ZNF510: variants seen among roughly 807,000 people sequenced by gnomAD.
ZNF510 encodes zinc finger protein 510.
Under a neutral mutation model 18.1 loss-of-function variants are expected in ZNF510, and 15 were observed. That is an observed-to-expected ratio of 0.83 (90% confidence interval 0.55 to 1.28). The LOEUF is 1.28. ZNF510 is among the 50% of genes most tolerant of loss of function. ZNF510 has a pLI of 0.00. For synonymous variants in ZNF510, 261 were observed against 266.4 expected, an observed-to-expected ratio of 0.98 and a Z score of 0.20; for missense variants, 724 against 791.8, an observed-to-expected ratio of 0.91 and a Z score of 1.03.
In ZNF510 at chr9:96,756,388, T is replaced by C. The variant is rs1053794920; in HGVS notation, c.*2390A>G. The C allele has an allele frequency of 1.3e-5, 2 of 151,062 alleles. No homozygotes were observed. Among genetic ancestry groups the C allele is most frequent in the African/African-American group, 5.0e-5 (2 of 40,378 alleles). 9.4% of individuals were successfully genotyped at this position (151,062 alleles called of 1,614,324 possible). On this transcript the variant is annotated 3_prime_UTR_variant, in exon 6 of 6. Coordinates refer to ENST00000223428, the MANE Select transcript of ZNF510 (RefSeq NM_014930.3). Reference sequence around the variant, plus strand: ...AAAGCATCAGTGAGCCAGGCCCAATTACAGTAACCTCTATGAATTGAGGGC... The same window carrying C: ...AAAGCATCAGTGAGCCAGGCCCAATCACAGTAACCTCTATGAATTGAGGGC...
intron 5 of ZNF510, 123 bp from the exon 6 acceptor site, chr9:96,760,600 A>G: frequency 5.7e-6 from 5 of 879,948 alleles, no homozygotes; most frequent in Non-Finnish European, 8.2e-6. Flanking sequence ...ATTCAGATGT[A>G]TGTGTGTGTA....
chr9:96,777,029 C>T (rs1394838033), intron 1 of ZNF510, among the ~76,000 whole-genome samples: 1 of 152,088 alleles, frequency 6.6e-6, no homozygotes, highest in Non-Finnish European at 1.5e-5. Flanking sequence ...AAATTAATTT[C>T]ATGTTTTAGA....
At chr9:96,769,785 A>T (rs117294327) in intron 3 of ZNF510, among the ~76,000 whole-genome samples, 5,462 of 152,330 alleles carry the variant, frequency 0.036, 156 homozygotes, top group Non-Finnish European at 0.058. Context: ...TTCTCCAAAG[A>T]TGATAAACAA....
chr9:96,758,831 T>G lies in ZNF510; in HGVS notation c.1999A>C (p.Lys667Gln). The change falls in exon 6 of 6, where the codon AAG becomes CAG. Residue 667 changes from lysine (K) to glutamine (Q), a missense_variant. Lys to Gln is a moderately conservative substitution (Grantham distance 53). Transcript: ENST00000223428. ...ECNEYGKLCK[K>Q]STLSLYQKIQ... ...TTCTGGTATAAGCTTAGGGTAGACT[T>G]CTTACATAATTTCCCATATTCATTG... is the stretch of plus-strand genomic sequence containing the variant. 1 of 1,612,682 alleles carries G rather than the reference T, an allele frequency of 6.2e-7. No individual in the cohort carries two copies. The highest frequency in any genetic ancestry group is 1.7e-4 in the Middle Eastern group (1 of 6,056).
At position 96,759,397 on chromosome 9, in the gene ZNF510, T is replaced by C; in HGVS notation, c.1433A>G (p.His478Arg). 6.2e-7 allele frequency: 1 copy of C among 1,614,202 alleles called. No homozygotes were observed. Among genetic ancestry groups the C allele is most frequent in the Non-Finnish European group, 8.5e-7 (1 of 1,180,014 alleles). The change falls in exon 6 of 6, where the codon CAT becomes CGT. Residue 478 changes from histidine (H) to arginine (R), a missense_variant. Physicochemically the swap from His to Arg is conservative, Grantham distance 29. Transcript: ENST00000223428. ...TTTTTCTCCTGTGTGAATTCTTTGA[T>C]GTCCCCTGAGGGTTGACTTCTGGAC... ...TFVQKSTLRG[H>R]QRIHTGEKPY...
At chr9:96,763,830 T>C (rs939823616) in intron 3 of ZNF510, 198 bp from the exon 4 acceptor site, 1 of 480,812 alleles carries the variant, frequency 2.1e-6, no homozygotes, top group Non-Finnish European at 3.4e-6. Context: ...GTGCAGTGGC[T>C]CATGCCTGTA....
chr9:96,763,584 A>C lies in ZNF510; in HGVS notation c.178T>G (p.Trp60Gly). ...DVTIEFTQEEWQQMAPVQKNL... is the reference protein window; with the variant it reads ...DVTIEFTQEEGQQMAPVQKNL... ...TTCTGAACAGGGGCCATTTGCTGCC[A>C]CTCCTCCTGGGTGAATTCTATAGTC... The change falls in exon 4 of 6, where the codon TGG (tryptophan) becomes GGG (glycine). Residue 60 changes from tryptophan (W) to glycine (G), a missense_variant. By Grantham distance (184) the Trp-to-Gly change is radical. Coordinates refer to ENST00000223428, the MANE Select transcript of ZNF510 (RefSeq NM_014930.3). The C allele has an allele frequency of 6.2e-7, 1 of 1,613,146 alleles. No homozygotes were observed. The highest frequency in any genetic ancestry group is 1.3e-5 in the African/African-American group (1 of 74,876).
In ZNF510 at chr9:96,759,871, T is replaced by G; in HGVS notation, c.959A>C (p.Lys320Thr). ...HLNQCGKSFE[K>T]STVEEYNKLN... ...TTTATTATATTCCTCCACAGTTGACTTCTCAAAGGATTTCCCACATTGATT... is the reference window on the plus strand; with the variant it reads ...TTTATTATATTCCTCCACAGTTGACGTCTCAAAGGATTTCCCACATTGATT... Residue 320 changes from lysine (K) to threonine (T), a missense_variant, in exon 6 of 6, where the codon AAG becomes ACG. Transcript: ENST00000223428. The G allele has an allele frequency of 6.2e-7, 1 of 1,613,420 alleles. No homozygotes were observed. Among genetic ancestry groups the G allele is most frequent in the Non-Finnish European group, 8.5e-7 (1 of 1,179,978 alleles).
At chr9:96,773,040 G>A (rs1194600563) in intron 3 of ZNF510, among the ~76,000 whole-genome samples, 1 of 152,120 alleles carries the variant, frequency 6.6e-6, no homozygotes, top group Non-Finnish European at 1.5e-5. Context: ...AGTGATAAAA[G>A]GGAAATATTA....
In ZNF510 at chr9:96,756,624, A is replaced by G. The variant is rs1849200067; in HGVS notation, c.*2154T>C. On this transcript the variant is annotated 3_prime_UTR_variant, in exon 6 of 6. Transcript: ENST00000223428. ...TGAGTCCAAGACGACAAACTCCTAA[A>G]GTGGAATTTTAGGTCAGAACCCTCT... 3.9e-5 allele frequency: 6 copies of G among 152,200 alleles called. No homozygotes were observed. The highest frequency in any genetic ancestry group is 3.3e-4 in the Admixed American group (5 of 15,288). The allele number at this position is 152,200 out of a possible 1,614,324, so 9.4% of individuals were successfully genotyped here.
In ZNF510 at chr9:96,764,251, C is replaced by T. The variant is rs147335844; in HGVS notation, c.130-619G>A. 7.9e-3 allele frequency among the ~76,000 whole-genome samples: 1,204 copies of T among 152,228 alleles called. 17 individuals carry two copies. Among genetic ancestry groups the T allele is most frequent in the African/African-American group, 0.027 (1,122 of 41,516 alleles). On this transcript the variant is annotated intron_variant, in intron 3 of 5. Coordinates refer to ENST00000223428, the MANE Select transcript of ZNF510 (RefSeq NM_014930.3). ...ATTTGTATTCCATCCCAACAGACTA[C>T]CCTGGGCATACATCATGGCAGGAGT...
intron 3 of ZNF510, among the ~76,000 whole-genome samples, chr9:96,769,640 G>T (rs1849545744): frequency 6.6e-6 from 1 of 152,034 alleles, no homozygotes; most frequent in Non-Finnish European, 1.5e-5. Flanking sequence ...ATAGTGAAAA[G>T]AACCTACAGA....
In ZNF510 at chr9:96,774,790, G is replaced by A; in HGVS notation, c.127C>T (p.Gln43Ter). 1 of 1,613,156 alleles carries A rather than the reference G, an allele frequency of 6.2e-7. No homozygotes were observed. Among genetic ancestry groups the A allele is most frequent in the East Asian group, 2.2e-5 (1 of 44,874 alleles). Reference sequence around the variant, plus strand: ...AAAGGTATTAGTAATTAACTCACCTGAGATATGTTCATTTTCTGCTGCTCC... The same window carrying A: ...AAAGGTATTAGTAATTAACTCACCTAAGATATGTTCATTTTCTGCTGCTCC... ...FQEQQKMNIS[Q>*]ASVSFKDVTI... Residue 43 changes from glutamine (Q) to a stop codon, truncating the protein, a stop_gained and splice_region_variant, in exon 3 of 6, where the codon CAG becomes TAG. Transcript: ENST00000223428. LOFTEE classifies it high-confidence loss of function.
At chr9:96,768,234 T>G (rs1001343948) in intron 3 of ZNF510, among the ~76,000 whole-genome samples, 3 of 152,176 alleles carry the variant, frequency 2.0e-5, no homozygotes, top group African/African-American at 4.8e-5. Flanking sequence ...ATAAAAAGCA[T>G]TTCTGAAAAA....
At chr9:96,768,355 C>A (rs1446052740) in intron 3 of ZNF510, among the ~76,000 whole-genome samples, 2 of 152,082 alleles carry the variant, frequency 1.3e-5, no homozygotes, top group South Asian at 4.1e-4. Flanking sequence ...ACTGGAAGTT[C>A]TAGCTAGAGG....
intron 3 of ZNF510, among the ~76,000 whole-genome samples, chr9:96,771,420 C>T (rs1433891708): frequency 6.8e-6 from 1 of 147,600 alleles, no homozygotes; most frequent in Non-Finnish European, 1.5e-5. Context: ...TGACAAAATA[C>T]TCATGCATGA....
At position 96,759,733 on chromosome 9, in the gene ZNF510, C is replaced by A; in HGVS notation, c.1097G>T (p.Ser366Ile). Reference sequence around the variant, plus strand: ...AACCCAAGTCTGTGTTCTGTCATTACTTACCAATGGGTTCTCTTCTATGAC... The same window carrying A: ...AACCCAAGTCTGTGTTCTGTCATTAATTACCAATGGGTTCTCTTCTATGAC... Reference protein sequence around the residue: ...TAVIEENPLVSNDRTQTWVKS... With the variant: ...TAVIEENPLVINDRTQTWVKS... The change falls in exon 6 of 6, where the codon AGT becomes ATT. Residue 366 changes from serine (S) to isoleucine (I), a missense_variant. Ser to Ile is a moderately radical substitution (Grantham distance 142). Transcript: ENST00000223428. 1.9e-6 allele frequency: 3 copies of A among 1,614,050 alleles called. No homozygotes were observed. In the South Asian group the frequency reaches 3.3e-5, roughly 18 times the overall value.
Position 96,762,265 on chromosome 9 carries a change from T to C in ZNF510, c.352+853A>G, listed in dbSNP as rs191676508. ...TGGCTCATGCCTGTAATCCCAGCAC[T>C]TTGGGAGCCTGAGGTGGGCAGATCA... On this transcript the variant is annotated intron_variant, in intron 5 of 5. Transcript: ENST00000223428. Among the ~76,000 whole-genome samples, 1,332 of 149,454 alleles carry C rather than the reference T, an allele frequency of 8.9e-3. 22 individuals are homozygous for C. The highest frequency in any genetic ancestry group is 0.031 in the African/African-American group (1,273 of 40,536).
intron 5 of ZNF510, among the ~76,000 whole-genome samples, chr9:96,760,972 A>G (rs543806294): frequency 1.1e-4 from 17 of 152,094 alleles, no homozygotes; most frequent in African/African-American, 4.1e-4. Flanking sequence ...AGAATAGTCT[A>G]TTGTCTACAT....
Sources: allele counts gnomAD v4.1 joint callset (sites outside exome capture counted in the v4.1 genomes callset), GRCh38; gene constraint gnomAD v4.1.1; transcripts MANE v1.5; gene names NCBI Gene and HGNC (gene_info 2026-07-23, HGNC 2026-07-21).